Variants in KIAA1328 observed in about 807,000 individuals in gnomAD.
KIAA1328 encodes the protein protein hinderin.
KIAA1328 carries 52 observed loss-of-function variants against 68.1 expected under a neutral mutation model. That is an observed-to-expected ratio of 0.76 (90% CI 0.61 to 0.96). KIAA1328 has a LOEUF of 0.96. KIAA1328 is among the 40% of genes least tolerant of loss of function. KIAA1328 has a pLI of 0.00. For synonymous variants in KIAA1328, 232 were observed against 239.4 expected, an observed-to-expected ratio of 0.97 and a Z score of 0.28; for missense variants, 641 against 677.6, an observed-to-expected ratio of 0.95 and a Z score of 0.60.
chr18:36,880,422 G>A (rs151313691), intron 4 of KIAA1328, among the ~76,000 whole-genome samples: 96 of 152,300 alleles, frequency 6.3e-4, no homozygotes, highest in African/African-American at 1.9e-3. Context: ...CACCTTCTGC[G>A]TTGGTCTCAC....
intron 7 of KIAA1328, among the ~76,000 whole-genome samples, chr18:37,102,360 A>C (rs1370000494): frequency 6.6e-6 from 1 of 152,174 alleles, no homozygotes; most frequent in Non-Finnish European, 1.5e-5. Context: ...CTGTGAAGCA[A>C]CCACCATGGC....
chr18:37,170,333 AC>A (rs781753730), intron 8 of KIAA1328, among the ~76,000 whole-genome samples: 9 of 152,286 alleles, frequency 5.9e-5, no homozygotes, highest in Non-Finnish European at 1.3e-4. Context: ...GTGATATTGG[AC>A]ATGCTGCTTG....
chr18:37,103,805 CACA>C (rs1292497908), intron 7 of KIAA1328, among the ~76,000 whole-genome samples: 2 of 27,878 alleles, frequency 7.2e-5, no homozygotes, highest in African/African-American at 1.6e-3. Flanking sequence ...ATAGCAAATA[CACA>C]CACACACACA....
intron 6 of KIAA1328, among the ~76,000 whole-genome samples, chr18:37,027,365 CTACTT>C (rs1428237079): frequency 3.9e-5 from 6 of 152,148 alleles, no homozygotes; most frequent in African/African-American, 1.2e-4. Flanking sequence ...TTGGAAAAAA[CTACTT>C]TAAAGTTCAT....
chr18:37,168,506 C>T (rs1040646590), intron 8 of KIAA1328, among the ~76,000 whole-genome samples: 1 of 152,084 alleles, frequency 6.6e-6, no homozygotes, highest in African/African-American at 2.4e-5. Flanking sequence ...TAAATGCATA[C>T]AATGGAATAC....
intron 6 of KIAA1328, among the ~76,000 whole-genome samples, chr18:37,028,494 C>G (rs1470992339): frequency 6.6e-6 from 1 of 150,912 alleles, no homozygotes; most frequent in Non-Finnish European, 1.5e-5. Flanking sequence ...TTGACTTCCT[C>G]TCTTCCTGGT....
chr18:36,910,900 T>C (rs1462141464), intron 5 of KIAA1328, among the ~76,000 whole-genome samples: 1 of 152,050 alleles, frequency 6.6e-6, no homozygotes, highest in East Asian at 1.9e-4. Context: ...TCATGAGAAA[T>C]ATACTCAGGA....
At chr18:36,913,897 T>A (rs1010436275) in intron 5 of KIAA1328, among the ~76,000 whole-genome samples, 8 of 152,174 alleles carry the variant, frequency 5.3e-5, no homozygotes, top group Non-Finnish European at 7.3e-5. Context: ...TTTTTGACCA[T>A]CAGTTGCTTG....
At chr18:37,021,777 A>G (rs563172823) in intron 6 of KIAA1328, among the ~76,000 whole-genome samples, 1 of 151,600 alleles carries the variant, frequency 6.6e-6, no homozygotes, top group Non-Finnish European at 1.5e-5. Context: ...CTTAAAACCA[A>G]AAAAAATACC....
At chr18:36,901,285 A>C (rs1415918835) in intron 5 of KIAA1328, among the ~76,000 whole-genome samples, 2 of 152,070 alleles carry the variant, frequency 1.3e-5, no homozygotes, top group African/African-American at 4.8e-5. Flanking sequence ...TTACATTTAA[A>C]AAATGTGTAT....
intron 7 of KIAA1328, among the ~76,000 whole-genome samples, chr18:37,112,111 C>A (rs2057949126): frequency 6.6e-6 from 1 of 152,148 alleles, no homozygotes; most frequent in African/African-American, 2.4e-5. Flanking sequence ...CATAGCTGAA[C>A]AAAAGGCAGC....
chr18:36,893,422 C>A (rs1013478929), intron 5 of KIAA1328, among the ~76,000 whole-genome samples: 4 of 150,888 alleles, frequency 2.7e-5, no homozygotes, highest in Admixed American at 6.6e-5. Flanking sequence ...TGTGCTCCAC[C>A]CCACCTGGCT....
At chr18:36,835,132 A>G (rs1033633103) in intron 2 of KIAA1328, 102 bp from the exon 3 acceptor site, 2 of 855,628 alleles carry the variant, frequency 2.3e-6, no homozygotes, top group African/African-American at 1.7e-5. Flanking sequence ...AGTTTCCTCC[A>G]TCAGGTCCCT....
intron 5 of KIAA1328, among the ~76,000 whole-genome samples, chr18:36,930,001 T>C (rs564794489): frequency 6.6e-6 from 1 of 152,260 alleles, no homozygotes; most frequent in Admixed American, 6.5e-5. Flanking sequence ...GGGCAGAGTT[T>C]TGTACACATG....
At chr18:37,228,543 G>T (rs760079963), downstream of KIAA1328, among the ~76,000 whole-genome samples, 6 of 152,176 alleles carry the variant, frequency 3.9e-5, no homozygotes, top group African/African-American at 1.4e-4. Context: ...CCCCCAGCCC[G>T]GCATGGTGGC....
intron 9 of KIAA1328, among the ~76,000 whole-genome samples, chr18:37,217,631 T>G (rs2060470226): frequency 6.6e-6 from 1 of 152,234 alleles, no homozygotes; most frequent in Non-Finnish European, 1.5e-5. Flanking sequence ...TTGGTGAATC[T>G]GACAATTATG....
intron 6 of KIAA1328, among the ~76,000 whole-genome samples, chr18:36,991,718 G>A (rs1034992126): frequency 2.0e-5 from 3 of 152,202 alleles, no homozygotes; most frequent in Non-Finnish European, 4.4e-5. Context: ...CAGCTGACAT[G>A]TTAGCTATGG....
intron 6 of KIAA1328, among the ~76,000 whole-genome samples, chr18:37,053,816 GGATTACAATTCA>G (rs1264285416): frequency 1.9e-4 from 29 of 152,068 alleles, no homozygotes; most frequent in African/African-American, 6.5e-4. Context: ...CAACACGTGA[GGATTACAATTCA>G]GATTACAATT....
intron 6 of KIAA1328, among the ~76,000 whole-genome samples, chr18:37,053,811 C>T (rs1255134960): frequency 3.3e-5 from 5 of 152,046 alleles, no homozygotes; most frequent in African/African-American, 9.7e-5. Context: ...TCCCCCAACA[C>T]GTGAGGATTA....
Sources: allele counts gnomAD v4.1 joint callset (sites outside exome capture counted in the v4.1 genomes callset), GRCh38; gene constraint gnomAD v4.1.1; transcripts MANE v1.5; gene names NCBI Gene and HGNC (gene_info 2026-07-23, HGNC 2026-07-21).